Variants in FREM2 observed in about 807,000 individuals in gnomAD.
FREM2 encodes the protein FRAS1 related extracellular matrix 2.
FREM2 carries 119 observed loss-of-function variants against 219.9 expected under a neutral mutation model. The ratio of observed to expected loss-of-function variants is 0.54; its 90% CI spans 0.47 to 0.63. The LOEUF is 0.63. FREM2 is among the 30% of genes least tolerant of loss of function. The probability of loss-of-function intolerance (pLI) is 0.00; values close to 1 mark genes in which losing one functional copy is unlikely to be tolerated. For missense variants in FREM2, 4,030 were observed against 3,993.6 expected, an observed-to-expected ratio of 1.01 and a Z score of -0.25; for synonymous variants, 1,562 against 1,522.8, an observed-to-expected ratio of 1.03 and a Z score of -0.60.
intron 2 of FREM2, among the ~76,000 whole-genome samples, chr13:38,737,326 A>G (rs930185641): frequency 3.9e-5 from 6 of 152,228 alleles, no homozygotes; most frequent in African/African-American, 9.6e-5. Context: ...GATGGAGTGC[A>G]CATGTTTTTA....
chr13:38,693,548 C>T (rs1271177021), intron 1 of FREM2, among the ~76,000 whole-genome samples: 1 of 152,314 alleles, frequency 6.6e-6, no homozygotes, highest in East Asian at 1.9e-4. Context: ...TTCTGCAGAA[C>T]ATGCAACTTT....
intron 2 of FREM2, among the ~76,000 whole-genome samples, chr13:38,760,716 T>C (rs1873193939): frequency 6.6e-6 from 1 of 152,202 alleles, no homozygotes. Context: ...CACTAAACTT[T>C]CAGCCAAGAC....
At chr13:38,827,065 A>G (rs1876316786) in intron 6 of FREM2, among the ~76,000 whole-genome samples, 1 of 152,156 alleles carries the variant, frequency 6.6e-6, no homozygotes, top group Admixed American at 6.6e-5. Context: ...CTAAACATCT[A>G]AAATGTTTAC....
At chr13:38,841,128 G>A (rs190271378) in intron 6 of FREM2, among the ~76,000 whole-genome samples, 93 of 152,174 alleles carry the variant, frequency 6.1e-4, no homozygotes, top group Non-Finnish European at 1.1e-3. Context: ...CTGTGAAAAC[G>A]GGATTAATAT....
chr13:38,714,837 C>A (rs2138099623), intron 2 of FREM2, among the ~76,000 whole-genome samples: 1 of 152,102 alleles, frequency 6.6e-6, no homozygotes, highest in Non-Finnish European at 1.5e-5. Flanking sequence ...GTAATCCCAG[C>A]ACTTTTGGGA....
chr13:38,726,099 G>C (rs9532271), intron 2 of FREM2, among the ~76,000 whole-genome samples: 2 of 152,050 alleles, frequency 1.3e-5, no homozygotes, highest in African/African-American at 2.4e-5. Flanking sequence ...GAGAGGCACC[G>C]GTGTTGGTTA....
intron 6 of FREM2, among the ~76,000 whole-genome samples, chr13:38,797,665 C>T (rs1467942225): frequency 6.6e-6 from 1 of 151,984 alleles, no homozygotes; most frequent in African/African-American, 2.4e-5. Flanking sequence ...GAAGTTTTAG[C>T]TGTAAAATCT....
At chr13:38,749,019 T>C (rs1390311673) in intron 2 of FREM2, among the ~76,000 whole-genome samples, 1 of 152,198 alleles carries the variant, frequency 6.6e-6, no homozygotes, top group Non-Finnish European at 1.5e-5. Context: ...GGATAACTTG[T>C]GTTCAGTGCC....
chr13:38,705,378 T>C (rs930639039), intron 2 of FREM2, among the ~76,000 whole-genome samples: 3 of 152,172 alleles, frequency 2.0e-5, no homozygotes, highest in African/African-American at 7.2e-5. Flanking sequence ...GGACTAGGTT[T>C]AAGGGAGGAA....
chr13:38,861,484 A>C lies in FREM2; in HGVS notation c.7573A>C (p.Lys2525Gln), dbSNP rs1476139233. ...GVVGAEPFSA[K>Q]LRYTGPEDAD... is the part of the protein sequence containing the mutation. ...TGTTGGAGCAGAGCCGTTCTCAGCT[A>C]AATTGCGCTACACAGGCCCTGAGGA... Residue 2525 changes from lysine to glutamine, a missense_variant, in exon 15 of 24, where the codon AAA becomes CAA. By Grantham distance (53) the Lys-to-Gln change is moderately conservative. Coordinates refer to ENST00000280481, the MANE Select transcript of FREM2 (RefSeq NM_207361.6). 1 of 1,613,556 alleles carries C rather than the reference A, an allele frequency of 6.2e-7. No homozygotes were observed. The highest frequency in any genetic ancestry group is 1.1e-5 in the South Asian group (1 of 91,058).
intron 6 of FREM2, among the ~76,000 whole-genome samples, chr13:38,837,253 G>T (rs1876748874): frequency 6.6e-6 from 1 of 152,158 alleles, no homozygotes; most frequent in East Asian, 1.9e-4. Flanking sequence ...GTGTAGTTTT[G>T]AGTGGGTTTC....
At chr13:38,873,939 G>T (rs182509633) in intron 17 of FREM2, among the ~76,000 whole-genome samples, 2 of 152,096 alleles carry the variant, frequency 1.3e-5, no homozygotes, top group East Asian at 3.9e-4. Flanking sequence ...TCCGTGTCTT[G>T]TTTTAGAAGA....
rs1555270912 is a variant in FREM2 at position 38,837,775 on chromosome 13, G to GTTTTTTTTTTTTTT, written c.6020-8794_6020-8793insTTTTTTTTTTTTTT. On this transcript the variant is annotated intron_variant, in intron 6 of 23. Transcript: ENST00000280481. ...GGATTGCAACCCCTGGTTTTTTTTT[G>GTTTTTTTTTTTTTT]TTTTGTTTTGTTTTGTTTTTGCTTT... Among the ~76,000 whole-genome samples the GTTTTTTTTTTTTTT allele has an allele frequency of 9.9e-4, 127 of 128,700 alleles. 6 individuals carry two copies. Among genetic ancestry groups the GTTTTTTTTTTTTTT allele is most frequent in the African/African-American group, 1.6e-3 (53 of 34,120 alleles). The allele number at this position is 128,700 out of a possible 152,430, so 84.4% of individuals were successfully genotyped here.
intron 6 of FREM2, among the ~76,000 whole-genome samples, chr13:38,825,231 A>G (rs114807594): frequency 2.0e-5 from 3 of 152,228 alleles, no homozygotes; most frequent in African/African-American, 7.2e-5. Flanking sequence ...TTCGAAAACA[A>G]GGGCTGTGTC....
chr13:38,739,507 A>G (rs1471882202), intron 2 of FREM2, among the ~76,000 whole-genome samples: 1 of 152,172 alleles, frequency 6.6e-6, no homozygotes, highest in Non-Finnish European at 1.5e-5. Context: ...ATGAAACCAA[A>G]TCATTACACC....
intron 16 of FREM2, among the ~76,000 whole-genome samples, chr13:38,865,217 A>G (rs1394373368): frequency 6.6e-6 from 1 of 152,176 alleles, no homozygotes; most frequent in Admixed American, 6.5e-5. Context: ...CTCTACAGTT[A>G]CTGATTCTTC....
At chr13:38,812,769 G>C (rs1875543196) in intron 6 of FREM2, among the ~76,000 whole-genome samples, 2 of 151,900 alleles carry the variant, frequency 1.3e-5, no homozygotes, top group Non-Finnish European at 2.9e-5. Context: ...TGTAGTCCTA[G>C]CTACTTGAGA....
At chr13:38,774,152 A>C (rs1294893315) in intron 4 of FREM2, among the ~76,000 whole-genome samples, 2 of 152,088 alleles carry the variant, frequency 1.3e-5, no homozygotes, top group Non-Finnish European at 2.9e-5. Flanking sequence ...TGTTTTACTT[A>C]TCTTGTATAT....
intron 8 of FREM2, 28 bp downstream of exon 8, chr13:38,848,698 C>T (rs1877258455): frequency 2.0e-6 from 3 of 1,531,024 alleles, no homozygotes; most frequent in South Asian, 2.3e-5. Flanking sequence ...TTATAATTTA[C>T]AATGATAATT....
Sources: gnomAD v4.1 joint callset for allele counts (sites outside exome capture counted in the v4.1 genomes callset) on GRCh38, gnomAD v4.1.1 for gene constraint, MANE v1.5 for transcripts, NCBI Gene and HGNC (gene_info 2026-07-23, HGNC 2026-07-21) for gene names.